UFL1: variants seen among roughly 807,000 people sequenced by gnomAD.
UFL1 encodes the protein UFM1 specific ligase 1, also known as E3 UFM1-protein ligase 1.
In UFL1, 78 loss-of-function variants were observed where a neutral mutation model predicts 99.3. That is an observed-to-expected ratio of 0.79 (90% CI 0.65 to 0.95). UFL1 has a LOEUF of 0.95. UFL1 is among the 40% of genes least tolerant of loss of function. UFL1 has a pLI of 0.00. For synonymous variants in UFL1, 335 were observed against 322.2 expected, an observed-to-expected ratio of 1.04 and a Z score of -0.42; for missense variants, 936 against 937.0, an observed-to-expected ratio of 1.00 and a Z score of 0.01.
In UFL1 at chr6:96,537,258, T is replaced by C. The variant is rs1769866863; in HGVS notation, c.803-116T>C. On this transcript the variant is annotated intron_variant, in intron 8 of 18. Coordinates refer to ENST00000369278, the MANE Select transcript of UFL1 (RefSeq NM_015323.5). Reference sequence around the variant, plus strand: ...ATTATTTGGGGTGGAGTTAGAGGAGTTAAGAAGGTAGACATCTCTAATAAC... The same window carrying C: ...ATTATTTGGGGTGGAGTTAGAGGAGCTAAGAAGGTAGACATCTCTAATAAC... The C allele has an allele frequency of 3.8e-6, 3 of 789,420 alleles. No individual in the cohort carries two copies. The Admixed American group carries it at 1.1e-4, about 29-fold the overall frequency. The allele number at this position is 789,420 out of a possible 1,614,324, so 48.9% of individuals were successfully genotyped here. A position where few individuals can be genotyped will look rare whatever the true frequency, so the allele number is the denominator to read the frequency against.
In UFL1 at chr6:96,534,331, G is replaced by A; in HGVS notation, c.655+10G>A. 1 of 1,553,070 alleles carries A rather than the reference G, an allele frequency of 6.4e-7. No homozygotes were observed. Among genetic ancestry groups the A allele is most frequent in the Non-Finnish European group, 8.7e-7 (1 of 1,149,154 alleles). On this transcript the variant is annotated intron_variant, in intron 7 of 18. Coordinates refer to ENST00000369278, the MANE Select transcript of UFL1 (RefSeq NM_015323.5). ...GAGCAGCTTCTTTACTGTGAGTTTG[G>A]TTTAAATTATATTTACTTAATTAGC...
At chr6:96,526,881 G>T (rs1769711574) in intron 5 of UFL1, among the ~76,000 whole-genome samples, 1 of 152,116 alleles carries the variant, frequency 6.6e-6, no homozygotes, top group Admixed American at 6.5e-5. Context: ...AAAGGTCAAG[G>T]ATGCTGCTAA....
chr6:96,536,314 T>TTAAAAA lies in UFL1; in HGVS notation c.726_727insTAAAAA (p.Ala242_Val243insTer), dbSNP rs753647681. On this transcript the variant is annotated stop_gained and inframe_insertion, in exon 8 of 19. Coordinates refer to ENST00000369278, the MANE Select transcript of UFL1 (RefSeq NM_015323.5). LOFTEE classifies it high-confidence loss of function. ...TGGTTGGTGGGAGACAGGATAAAGC[T>TTAAAAA]GTGTTTGTCCCTGACATCTACTCCA... 6.2e-7 allele frequency: 1 copy of TTAAAAA among 1,611,562 alleles called. No homozygotes were observed. Among genetic ancestry groups the TTAAAAA allele is most frequent in the Admixed American group, 1.7e-5 (1 of 59,860 alleles).
At chr6:96,522,080 C>T in intron 1 of UFL1, 130 bp downstream of exon 1, 3 of 1,072,222 alleles carry the variant, frequency 2.8e-6, no homozygotes, top group African/African-American at 1.6e-5. Flanking sequence ...CTCTCCTCCT[C>T]CCTCTGTCCC....
At chr6:96,525,469 G>A (rs1769685300) in intron 4 of UFL1, 75 bp downstream of exon 4, 4 of 1,013,400 alleles carry the variant, frequency 3.9e-6, no homozygotes, top group African/African-American at 3.3e-5. Flanking sequence ...TTAAATTTAG[G>A]CCAATTATGG....
chr6:96,553,845 C>T lies in UFL1; in HGVS notation c.*342C>T, dbSNP rs868172628. The T allele has an allele frequency of 5.2e-6, 1 of 191,686 alleles. No individual in the cohort carries two copies. The highest frequency in any genetic ancestry group is 1.4e-4 in the South Asian group (1 of 7,310). The allele number at this position is 191,686 out of a possible 1,614,324, so 11.9% of individuals were successfully genotyped here. A position where few individuals can be genotyped will look rare whatever the true frequency, so the allele number is the denominator to read the frequency against. ...AAAACAAATTTTCCAATCCATTTAT[C>T]CCTGGGGAAGGATTCATTTGTTGCG... On this transcript the variant is annotated 3_prime_UTR_variant, in exon 19 of 19. Coordinates refer to ENST00000369278, the MANE Select transcript of UFL1 (RefSeq NM_015323.5).
chr6:96,522,969 C>T (rs973014142), intron 1 of UFL1, 177 bp from the exon 2 acceptor site: 2 of 508,122 alleles, frequency 3.9e-6, no homozygotes, highest in Admixed American at 4.8e-5. Flanking sequence ...AACCTACTTA[C>T]TCTGAAAGGT....
In UFL1 at chr6:96,529,691, C is replaced by T. The variant is rs555544585; in HGVS notation, c.596+1059C>T. Among the ~76,000 whole-genome samples, 5 of 152,274 alleles carry T rather than the reference C, an allele frequency of 3.3e-5. No individual in the cohort carries two copies. The South Asian group carries it at 1.0e-3, about 32-fold the overall frequency. On this transcript the variant is annotated intron_variant, in intron 6 of 18. Transcript: ENST00000369278. ...TTAAAGTTTCACGCCATCTTTTCTTCCCAGTTCTGTGCTGTCATCTTAGGT... is the reference window on the plus strand; with the variant it reads ...TTAAAGTTTCACGCCATCTTTTCTTTCCAGTTCTGTGCTGTCATCTTAGGT...
chr6:96,549,367 A>T lies in UFL1; in HGVS notation c.1521-45A>T, dbSNP rs1386319568. On this transcript the variant is annotated intron_variant, in intron 13 of 18. Transcript: ENST00000369278. ...AACAAAATTCCTTATCTATATAAAT[A>T]CTCAGTACATTTTAATAAACTAAAT... is the stretch of plus-strand genomic sequence containing the variant. 3 of 1,474,364 alleles carry T rather than the reference A, an allele frequency of 2.0e-6. No individual in the cohort carries two copies. The African/African-American group carries it at 4.4e-5, about 21-fold the overall frequency. The allele number at this position is 1,474,364 out of a possible 1,614,324, so 91.3% of individuals were successfully genotyped here.
chr6:96,544,940 T>G (rs1448753180), intron 12 of UFL1, among the ~76,000 whole-genome samples: 1 of 151,088 alleles, frequency 6.6e-6, no homozygotes, highest in East Asian at 1.9e-4. Flanking sequence ...AAAAAAAATT[T>G]ATGTTGTAAT....
At chr6:96,548,116 A>G (rs774939238) in intron 12 of UFL1, 48 bp from the exon 13 acceptor site, 94 of 1,285,126 alleles carry the variant, frequency 7.3e-5, no homozygotes, top group Non-Finnish European at 9.4e-5. Context: ...ATTTGGTTGC[A>G]TGTTTTTTAT....
chr6:96,529,346 ATCT>A (rs1769749234), intron 6 of UFL1, among the ~76,000 whole-genome samples: 1 of 152,126 alleles, frequency 6.6e-6, no homozygotes, highest in South Asian at 2.1e-4. Context: ...ATTCTATATC[ATCT>A]ATCATGCTGT....
At chr6:96,547,455 A>G (rs1339055153) in intron 12 of UFL1, among the ~76,000 whole-genome samples, 3 of 151,618 alleles carry the variant, frequency 2.0e-5, no homozygotes, top group Non-Finnish European at 3.0e-5. Flanking sequence ...TGACCCAGCA[A>G]TCCCACTGCT....
chr6:96,527,827 A>C (rs1295653139), intron 5 of UFL1, among the ~76,000 whole-genome samples: 1 of 152,180 alleles, frequency 6.6e-6, no homozygotes, highest in Non-Finnish European at 1.5e-5. Flanking sequence ...TTTCTATATC[A>C]TAAAAATAAT....
chr6:96,548,793 A>G (rs1453247028), intron 13 of UFL1, among the ~76,000 whole-genome samples: 4 of 151,698 alleles, frequency 2.6e-5, no homozygotes, highest in African/African-American at 4.8e-5. Flanking sequence ...TAACTTGACC[A>G]TTAGTAACTA....
chr6:96,537,363 T>A lies in UFL1; in HGVS notation c.803-11T>A. 1 of 1,533,844 alleles carries A rather than the reference T, an allele frequency of 6.5e-7. No individual in the cohort carries two copies. ...TGACAATTCTAATCCAACTTTGTGATATATTTGTAGAATTTGATGCTTTGT... is the reference window on the plus strand; with the variant it reads ...TGACAATTCTAATCCAACTTTGTGAAATATTTGTAGAATTTGATGCTTTGT... On this transcript the variant is annotated splice_polypyrimidine_tract_variant and intron_variant, in intron 8 of 18. Transcript: ENST00000369278.
Position 96,551,466 on chromosome 6 carries a change from G to T in UFL1, c.1852G>T (p.Glu618Ter), listed in dbSNP as rs1770078336. 2.6e-6 allele frequency: 4 copies of T among 1,537,058 alleles called. No individual in the cohort carries two copies. Among genetic ancestry groups the T allele is most frequent in the Non-Finnish European group, 2.6e-6 (3 of 1,139,440 alleles). The change falls in exon 16 of 19, where the codon GAA (glutamate) becomes TAA (stop). Residue 618 changes from glutamate (E) to a stop codon, truncating the protein, a stop_gained. Transcript: ENST00000369278. LOFTEE classifies it high-confidence loss of function. ...GAAAATTTTAAGTAAATTATCAGAA[G>T]AAACCAAAGTAGCTCTTACAAAACT... ...RKKILSKLSEETKVALTKLHN... is the reference protein window; with the variant it reads ...RKKILSKLSE
At chr6:96,546,803 G>A (rs1381248058) in intron 12 of UFL1, among the ~76,000 whole-genome samples, 1 of 151,274 alleles carries the variant, frequency 6.6e-6, no homozygotes, top group South Asian at 2.1e-4. Flanking sequence ...TGGGAAGAAC[G>A]AAACTGTATC....
chr6:96,535,852 CTTG>C (rs1189149366), intron 7 of UFL1, among the ~76,000 whole-genome samples: 1 of 151,934 alleles, frequency 6.6e-6, no homozygotes, highest in Non-Finnish European at 1.5e-5. Flanking sequence ...AAAAACGGAA[CTTG>C]TTAACACTAA....
Sources: allele counts gnomAD v4.1 joint callset (sites outside exome capture counted in the v4.1 genomes callset), GRCh38; gene constraint gnomAD v4.1.1; transcripts MANE v1.5; gene names NCBI Gene and HGNC (gene_info 2026-07-23, HGNC 2026-07-21).